The following MITF variants were observed in gnomAD, a reference collection of about 807,000 sequenced individuals.
MITF encodes microphthalmia-associated transcription factor.
In MITF, 17 loss-of-function variants were observed where a neutral mutation model predicts 60.5. The observed-to-expected ratio is 0.28, with a 90% confidence interval of 0.19 to 0.42. The LOEUF (loss-of-function observed/expected upper bound fraction) is 0.42. Ranked by LOEUF, MITF falls within the 10% of genes least tolerant of loss-of-function variation. MITF has a pLI of 1.00. For missense variants in MITF, 622 were observed against 683.5 expected, an observed-to-expected ratio of 0.91 and a Z score of 1.00; for synonymous variants, 260 against 248.5, an observed-to-expected ratio of 1.05 and a Z score of -0.43.
At chr3:69,938,654 G>A in intron 3 of MITF, 1 of 1,333,058 alleles carries the variant, frequency 7.5e-7, no homozygotes, top group Non-Finnish European at 9.6e-7. Flanking sequence ...TTGGAAACAA[G>A]ACTCAAACTA....
At chr3:69,821,690 T>TAAAAAAAAAAAAAAAAAAAACAAA (rs72371556) in intron 1 of MITF, among the ~76,000 whole-genome samples, 1 of 113,248 alleles carries the variant, frequency 8.8e-6, no homozygotes. Flanking sequence ...AAAAAAAAAC[T>TAAAAAAAAAAAAAAAAAAAACAAA]AAAAAAAAAA....
intron 2 of MITF, among the ~76,000 whole-genome samples, chr3:69,933,218 C>T (rs1016984409): frequency 1.3e-5 from 2 of 150,374 alleles, no homozygotes; most frequent in Non-Finnish European, 3.0e-5. Flanking sequence ...AATAAATAAA[C>T]TAAAAGGATT....
intron 1 of MITF, among the ~76,000 whole-genome samples, chr3:69,840,352 G>A (rs147590503): frequency 5.3e-4 from 81 of 152,288 alleles, no homozygotes; most frequent in Non-Finnish European, 1.1e-3. Context: ...TTAATCCATC[G>A]TGTCACATAT....
At chr3:69,772,467 G>A (rs2062408571) in intron 1 of MITF, among the ~76,000 whole-genome samples, 1 of 152,170 alleles carries the variant, frequency 6.6e-6, no homozygotes, top group Non-Finnish European at 1.5e-5. Context: ...CTTAAGCTGA[G>A]GGGCACAGGG....
chr3:69,796,012 C>T (rs181505317), intron 1 of MITF, among the ~76,000 whole-genome samples: 3 of 152,228 alleles, frequency 2.0e-5, no homozygotes, highest in African/African-American at 7.2e-5. Context: ...GACGGAGTTG[C>T]GCTCAGTCGC....
chr3:69,748,973 G>A (rs896290516), intron 1 of MITF, among the ~76,000 whole-genome samples: 1 of 152,094 alleles, frequency 6.6e-6, no homozygotes, highest in Admixed American at 6.5e-5. Context: ...TATTTACTTT[G>A]GTACCTTTAC....
intron 1 of MITF, among the ~76,000 whole-genome samples, chr3:69,771,541 C>G (rs866376303): frequency 2.6e-5 from 4 of 152,170 alleles, no homozygotes; most frequent in Non-Finnish European, 5.9e-5. Context: ...ATGCAACACA[C>G]ACATAGCTGC....
Position 69,964,828 on chromosome 3 carries a change from A to G in MITF, c.1180-19A>G, listed in dbSNP as rs1240191831. 2 of 1,613,278 alleles carry G rather than the reference A, an allele frequency of 1.2e-6. No homozygotes were observed. The highest frequency in any genetic ancestry group is 1.7e-6 in the Non-Finnish European group (2 of 1,179,558). On this transcript the variant is annotated intron_variant, in intron 9 of 9. Transcript: ENST00000352241. ...TGTGCTCTGCCTATTTCAGTGTTTT[A>G]TCTTTACTCTTATTATAGGAACTTG...
In MITF at chr3:69,939,089, T is replaced by G. The variant is rs1576007776; in HGVS notation, c.583-9T>G. 1.2e-6 allele frequency: 2 copies of G among 1,613,850 alleles called. No homozygotes were observed. Among genetic ancestry groups the G allele is most frequent in the African/African-American group, 2.7e-5 (2 of 75,042 alleles). ...AAGTTATAGACTGTTTTTGCTTGTG[T>G]TTTTGCAGGGATTTTATAAGTTTGA... is the stretch of plus-strand genomic sequence containing the variant. On this transcript the variant is annotated splice_polypyrimidine_tract_variant and intron_variant, in intron 3 of 9. Transcript: ENST00000352241.
chr3:69,820,840 A>G (rs2063257968), intron 1 of MITF, among the ~76,000 whole-genome samples: 1 of 152,206 alleles, frequency 6.6e-6, no homozygotes, highest in African/African-American at 2.4e-5. Flanking sequence ...TACAAGTGTC[A>G]ACATAGAAAT....
In MITF at chr3:69,836,198, A is replaced by G. The variant is rs151160983; in HGVS notation, c.105-42936A>G. Among the ~76,000 whole-genome samples, 260 of 152,180 alleles carry G rather than the reference A, an allele frequency of 1.7e-3. 3 individuals carry two copies. The highest frequency in any genetic ancestry group is 6.1e-3 in the African/African-American group (254 of 41,512). On this transcript the variant is annotated intron_variant, in intron 1 of 9. Coordinates refer to ENST00000352241, the MANE Select transcript of MITF (RefSeq NM_001354604.2). ...GTAGAGATCTTTTACCCTGATGGTT[A>G]TGTTTATTCCTATATAGCTTATTTT...
intron 2 of MITF, among the ~76,000 whole-genome samples, chr3:69,899,702 C>T (rs2107346194): frequency 6.6e-6 from 1 of 152,242 alleles, no homozygotes; most frequent in South Asian, 2.1e-4. Flanking sequence ...CTAAAACCCA[C>T]TTGGAAAAAA....
chr3:69,831,085 G>A (rs2063439332), intron 1 of MITF, among the ~76,000 whole-genome samples: 1 of 152,076 alleles, frequency 6.6e-6, no homozygotes, highest in African/African-American at 2.4e-5. Context: ...TTGCTCTGAG[G>A]CTGAAATGAG....
At chr3:69,775,911 A>G (rs1434565343) in intron 1 of MITF, among the ~76,000 whole-genome samples, 1 of 152,240 alleles carries the variant, frequency 6.6e-6, no homozygotes, top group Non-Finnish European at 1.5e-5. Context: ...GGCTTTTCCC[A>G]AGCTCGGTTG....
chr3:69,795,829 C>T (rs904974964), intron 1 of MITF, among the ~76,000 whole-genome samples: 18 of 152,036 alleles, frequency 1.2e-4, no homozygotes, highest in African/African-American at 2.4e-4. Context: ...TTCAAAGGCA[C>T]GTATTTAAAA....
intron 1 of MITF, among the ~76,000 whole-genome samples, chr3:69,745,105 A>G (rs1056298012): frequency 6.6e-6 from 1 of 152,212 alleles, no homozygotes; most frequent in Non-Finnish European, 1.5e-5. Context: ...GTTAAGACTT[A>G]TCTAGTGCTT....
intron 2 of MITF, 59 bp from the exon 3 acceptor site, chr3:69,937,763 G>A: frequency 2.1e-6 from 3 of 1,422,338 alleles, no homozygotes; most frequent in Non-Finnish European, 3.0e-6. Context: ...TGAAGGAAGA[G>A]CCGTCTGAAA....
chr3:69,812,420 A>G (rs2063115671), intron 1 of MITF, among the ~76,000 whole-genome samples: 1 of 152,228 alleles, frequency 6.6e-6, no homozygotes. Flanking sequence ...GTTTGCTTTC[A>G]GAGACAGAGC....
intron 1 of MITF, among the ~76,000 whole-genome samples, chr3:69,751,442 G>T (rs1315340493): frequency 6.6e-6 from 1 of 152,048 alleles, no homozygotes; most frequent in Non-Finnish European, 1.5e-5. Flanking sequence ...TGAGAAGGAA[G>T]GGCAAGGCCA....
Sources: gnomAD v4.1 joint callset for allele counts (sites outside exome capture counted in the v4.1 genomes callset) on GRCh38, gnomAD v4.1.1 for gene constraint, MANE v1.5 for transcripts, NCBI Gene and HGNC (gene_info 2026-07-23, HGNC 2026-07-21) for gene names.